NPFFR1: variants seen among roughly 807,000 people sequenced by gnomAD.
The protein encoded by NPFFR1 is neuropeptide FF receptor 1, also known as G-protein coupled receptor 147.
A neutral mutation model predicts 12.7 loss-of-function variants in NPFFR1; 17 were observed. The observed-to-expected ratio is 1.34, with a 90% confidence interval of 0.92 to 2.01. The LOEUF (loss-of-function observed/expected upper bound fraction) is 2.01, where lower values mean the gene tolerates loss of function less well. Among genes scored for constraint, NPFFR1 ranks in the 30% most tolerant of loss-of-function variants. The probability of loss-of-function intolerance (pLI) is 0.00; values close to 1 mark genes in which losing one functional copy is unlikely to be tolerated. For synonymous variants in NPFFR1, 296 were observed against 264.5 expected, an observed-to-expected ratio of 1.12 and a Z score of -1.16; for missense variants, 604 against 606.5, an observed-to-expected ratio of 1.00 and a Z score of 0.04.
At position 70,262,302 on chromosome 10, in the gene NPFFR1, A is replaced by T. The variant is rs565765773; in HGVS notation, c.323-1563T>A. ...TAACAAATAAGTCTAATTATATTAC[A>T]AATGAATAATATTGTATTTAAATTG... On this transcript the variant is annotated intron_variant, in intron 2 of 3. Coordinates refer to ENST00000277942, the MANE Select transcript of NPFFR1 (RefSeq NM_022146.5). 2.6e-5 allele frequency among the ~76,000 whole-genome samples: 4 copies of T among 152,358 alleles called. No homozygotes were observed. In the South Asian group the frequency reaches 8.3e-4, roughly 32 times the overall value.
At chr10:70,256,400 G>T (rs1840573108) in intron 3 of NPFFR1, among the ~76,000 whole-genome samples, 1 of 152,210 alleles carries the variant, frequency 6.6e-6, no homozygotes, top group African/African-American at 2.4e-5. Context: ...ACTTTTGGGG[G>T]TCAACTGATT....
intron 1 of NPFFR1, among the ~76,000 whole-genome samples, chr10:70,279,913 C>G (rs961126644): frequency 2.0e-5 from 3 of 152,190 alleles, no homozygotes; most frequent in Non-Finnish European, 4.4e-5. Context: ...ACCACAGAGC[C>G]ACTCTACTCT....
chr10:70,273,977 C>T (rs755231761), intron 1 of NPFFR1, among the ~76,000 whole-genome samples: 46 of 152,168 alleles, frequency 3.0e-4, no homozygotes, highest in Non-Finnish European at 5.0e-4. Flanking sequence ...GTTTCCTGTT[C>T]CCTAGATTAG....
chr10:70,274,339 C>T (rs1840779369), intron 1 of NPFFR1, among the ~76,000 whole-genome samples: 1 of 152,178 alleles, frequency 6.6e-6, no homozygotes, highest in African/African-American at 2.4e-5. Context: ...ATCCCAGCCA[C>T]TTGGGAGGCT....
At chr10:70,261,636 T>C (rs10999218) in intron 2 of NPFFR1, among the ~76,000 whole-genome samples, 10,517 of 152,242 alleles carry the variant, frequency 0.069, 359 homozygotes, top group East Asian at 0.11. Context: ...AGCCCTGTCT[T>C]GGGTTCTAGG....
intron 1 of NPFFR1, among the ~76,000 whole-genome samples, chr10:70,266,882 C>T (rs951528641): frequency 7.2e-5 from 11 of 152,220 alleles, no homozygotes; most frequent in African/African-American, 2.7e-4. Context: ...ATAGCCACAG[C>T]CTGCTCCTAT....
In NPFFR1 at chr10:70,266,303, G is replaced by A; in HGVS notation, c.96C>T (p.Phe32=). 6.2e-7 allele frequency: 1 copy of A among 1,613,840 alleles called. No homozygotes were observed. Among genetic ancestry groups the A allele is most frequent in the East Asian group, 2.2e-5 (1 of 44,880 alleles). ...GGGAGGTGTGCTGATAGTAGGAGGA[G>A]AAGGTGAGGTTTGTAGCCGGGGTGG... ...TEATPATNLT[F]SSYYQHTSPV... The change falls in exon 2 of 4, where the codon TTC becomes TTT. Residue 32 remains phenylalanine (F), a synonymous_variant. Transcript: ENST00000277942.
At chr10:70,273,071 T>C (rs1840766287) in intron 1 of NPFFR1, among the ~76,000 whole-genome samples, 1 of 152,230 alleles carries the variant, frequency 6.6e-6, no homozygotes, top group South Asian at 2.1e-4. Flanking sequence ...AGGAAACTGA[T>C]ACGTGTGATA....
At chr10:70,263,114 C>T (rs1385624057) in intron 2 of NPFFR1, among the ~76,000 whole-genome samples, 1 of 152,054 alleles carries the variant, frequency 6.6e-6, no homozygotes, top group Non-Finnish European at 1.5e-5. Context: ...TCACAGTGAG[C>T]TATGATCTCA....
chr10:70,260,536 G>T, intron 3 of NPFFR1, 104 bp downstream of exon 3: 1 of 1,008,846 alleles, frequency 9.9e-7, no homozygotes, highest in South Asian at 1.4e-5. Context: ...CACTTACCAT[G>T]GTGCAGCCCC....
rs1400870741 is a variant in NPFFR1 at position 70,247,576 on chromosome 10, A to G, written c.*7381T>C. The G allele has an allele frequency of 1.9e-4, 29 of 152,228 alleles. No homozygotes were observed. The highest frequency in any genetic ancestry group is 1.9e-3 in the Admixed American group (29 of 15,288). 9.4% of individuals were successfully genotyped at this position (152,228 alleles called of 1,614,324 possible). A position where few individuals can be genotyped will look rare whatever the true frequency, so the allele number is the denominator to read the frequency against. Reference sequence around the variant, plus strand: ...GATTGACTTGGCTGTTCTAACTTCCACACCGAAAGGAAGACAGGGTGGTGA... The same window carrying G: ...GATTGACTTGGCTGTTCTAACTTCCGCACCGAAAGGAAGACAGGGTGGTGA... On this transcript the variant is annotated 3_prime_UTR_variant, in exon 4 of 4. Transcript: ENST00000277942.
At chr10:70,273,954 C>A (rs1416381250) in intron 1 of NPFFR1, among the ~76,000 whole-genome samples, 1 of 152,150 alleles carries the variant, frequency 6.6e-6, no homozygotes, top group Non-Finnish European at 1.5e-5. Context: ...GGGGTAGCAC[C>A]ATAGACCCCC....
chr10:70,248,467 G>GTTTTGTTTTTT lies in NPFFR1; in HGVS notation c.*6489_*6490insAAAAAACAAAA. 1.0e-5 allele frequency: 1 copy of GTTTTGTTTTTT among 96,742 alleles called. No homozygotes were observed. Among genetic ancestry groups the GTTTTGTTTTTT allele is most frequent in the South Asian group, 3.9e-4 (1 of 2,538 alleles). The allele number at this position is 96,742 out of a possible 1,614,324, so 6.0% of individuals were successfully genotyped here. A position where few individuals can be genotyped will look rare whatever the true frequency, so the allele number is the denominator to read the frequency against. ...CAAAGTACGTAGTACTATGCCTGGC[G>GTTTTGTTTTTT]TTTTTTTTTTGTTTTTTGTTTTTTT... On this transcript the variant is annotated 3_prime_UTR_variant, in exon 4 of 4. Coordinates refer to ENST00000277942, the MANE Select transcript of NPFFR1 (RefSeq NM_022146.5).
At position 70,253,012 on chromosome 10, in the gene NPFFR1, T is replaced by C. The variant is rs1438686740; in HGVS notation, c.*1945A>G. 4 of 152,172 alleles carry C rather than the reference T, an allele frequency of 2.6e-5. No homozygotes were observed. The East Asian group carries it at 7.7e-4, about 29-fold the overall frequency. The allele number at this position is 152,172 out of a possible 1,614,324, so 9.4% of individuals were successfully genotyped here. On this transcript the variant is annotated 3_prime_UTR_variant, in exon 4 of 4. Transcript: ENST00000277942. Reference sequence around the variant, plus strand: ...CTTTTAGAGCCTGGAGTCAGACTTCTTCACAACAAATAGCCCAGAACCAGC... The same window carrying C: ...CTTTTAGAGCCTGGAGTCAGACTTCCTCACAACAAATAGCCCAGAACCAGC...
intron 2 of NPFFR1, among the ~76,000 whole-genome samples, chr10:70,264,014 A>G (rs528258235): frequency 6.6e-6 from 1 of 152,080 alleles, no homozygotes; most frequent in South Asian, 2.1e-4. Context: ...GGGCCCAGGC[A>G]GGTTGAGACT....
intron 1 of NPFFR1, among the ~76,000 whole-genome samples, chr10:70,278,644 T>C (rs1438839517): frequency 1.3e-5 from 2 of 152,236 alleles, no homozygotes; most frequent in East Asian, 3.8e-4. Flanking sequence ...GGTCCTCCAG[T>C]ATCCCTCCTA....
At chr10:70,272,101 A>T (rs1840748861) in intron 1 of NPFFR1, among the ~76,000 whole-genome samples, 1 of 150,398 alleles carries the variant, frequency 6.6e-6, no homozygotes, top group South Asian at 2.1e-4. Context: ...TGGGCGACAG[A>T]GCGAGACTCT....
chr10:70,281,842 C>A (rs534760795), intron 1 of NPFFR1, among the ~76,000 whole-genome samples: 43 of 152,200 alleles, frequency 2.8e-4, no homozygotes, highest in Non-Finnish European at 5.3e-4. Context: ...TGAACATGCT[C>A]AGGCACACAT....
At chr10:70,281,170 A>G (rs988101973) in intron 1 of NPFFR1, among the ~76,000 whole-genome samples, 8 of 152,176 alleles carry the variant, frequency 5.3e-5, no homozygotes, top group African/African-American at 1.9e-4. Context: ...TCAAATTTTT[A>G]GCACCCCACC....
Sources: allele counts gnomAD v4.1 joint callset (sites outside exome capture counted in the v4.1 genomes callset), GRCh38; gene constraint gnomAD v4.1.1; transcripts MANE v1.5; gene names NCBI Gene and HGNC (gene_info 2026-07-23, HGNC 2026-07-21).